The following KIF5B variants were observed in gnomAD, a reference collection of about 807,000 sequenced individuals.
KIF5B encodes kinesin-1 heavy chain.
In KIF5B, 49 loss-of-function variants were observed where a neutral mutation model predicts 132.8. The ratio of observed to expected loss-of-function variants is 0.37; its 90% CI spans 0.29 to 0.47. The LOEUF (loss-of-function observed/expected upper bound fraction) is 0.47, where lower values mean the gene tolerates loss of function less well. Ranked by LOEUF, KIF5B falls within the 20% of genes least tolerant of loss-of-function variation. The pLI, the probability that KIF5B is intolerant of heterozygous loss-of-function variation, is 1.00. For missense variants in KIF5B, 780 were observed against 1,144.0 expected (o/e 0.68, Z 4.59); for synonymous variants, 355 against 369.4 (o/e 0.96, Z 0.45).
rs778651300 is a variant in KIF5B at position 32,055,870 on chromosome 10, C to T, written c.104G>A (p.Gly35Glu). Residue 35 changes from glycine to glutamate, a missense_variant, in exon 1 of 26, where the codon GGA becomes GAA. Gly to Glu is a moderately conservative substitution (Grantham distance 98, BLOSUM62 -2). Transcript: ENST00000302418. Reference protein sequence around the residue: ...RGDKYIAKFQGEDTVVIASKP... With the variant: ...RGDKYIAKFQEEDTVVIASKP... ...CACCGCGATCACGACCGTGTCTTCTCCCTGAAACTTGGCGATGTACTTGTC... is the reference window on the plus strand; with the variant it reads ...CACCGCGATCACGACCGTGTCTTCTTCCTGAAACTTGGCGATGTACTTGTC... 52 of 1,612,898 alleles carry T rather than the reference C, an allele frequency of 3.2e-5. No individual in the cohort carries two copies. Among genetic ancestry groups the T allele is most frequent in the Non-Finnish European group, 4.1e-5 (48 of 1,179,880 alleles).
At chr10:32,035,431 GT>G in intron 10 of KIF5B, 90 bp downstream of exon 10, 1 of 1,108,052 alleles carries the variant, frequency 9.0e-7, no homozygotes, top group Non-Finnish European at 1.3e-6. Context: ...AAAACAGTAT[GT>G]ACAGGTTGGA....
chr10:32,018,223 C>T lies in KIF5B; in HGVS notation c.2440-67G>A, dbSNP rs553800136. The T allele has an allele frequency of 1.8e-5, 26 of 1,447,184 alleles. 1 individual carries two copies. In the South Asian group the frequency reaches 2.9e-4, roughly 16 times the overall value. The allele number at this position is 1,447,184 out of a possible 1,614,324, so 89.6% of individuals were successfully genotyped here. ...CTAAGCTTAACTATACAAAAATTGA[C>T]GTGACTGTAAAGTTATTTCACTTTG... On this transcript the variant is annotated intron_variant, in intron 22 of 25. Coordinates refer to ENST00000302418, the MANE Select transcript of KIF5B (RefSeq NM_004521.3).
chr10:32,036,917 C>T (rs1419321487), intron 8 of KIF5B, among the ~76,000 whole-genome samples: 1 of 151,890 alleles, frequency 6.6e-6, no homozygotes, highest in Non-Finnish European at 1.5e-5. Context: ...TAATAGGGAC[C>T]CCACTGCCAA....
At chr10:32,045,523 A>G (rs997676092) in intron 2 of KIF5B, among the ~76,000 whole-genome samples, 2 of 152,218 alleles carry the variant, frequency 1.3e-5, no homozygotes, top group African/African-American at 4.8e-5. Flanking sequence ...CCAAGTTTCT[A>G]GTTACTAAGG....
At position 32,019,933 on chromosome 10, in the gene KIF5B, T is replaced by C; in HGVS notation, c.2231A>G (p.Gln744Arg). 6.2e-7 allele frequency: 1 copy of C among 1,610,434 alleles called. No individual in the cohort carries two copies. Among genetic ancestry groups the C allele is most frequent in the Non-Finnish European group, 8.5e-7 (1 of 1,178,898 alleles). The stretch of plus-strand genomic sequence containing the variant: ...CTCATGTTCTACTCTTAGACGTTCC[T>C]GCTCTAACATCATTTTCTGGTTTTG... ...QDQNQKMMLE[Q>R]ERLRVEHEKL... Residue 744 changes from glutamine (Q) to arginine (R), a missense_variant, in exon 20 of 26, where the codon CAG becomes CGG. Physicochemically the swap from Gln to Arg is conservative, Grantham distance 43. Coordinates refer to ENST00000302418, the MANE Select transcript of KIF5B (RefSeq NM_004521.3).
At chr10:32,033,757 A>AG (rs1416318970) in intron 12 of KIF5B, 88 bp downstream of exon 12, 18 of 798,992 alleles carry the variant, frequency 2.3e-5, no homozygotes, top group Non-Finnish European at 3.0e-5. Context: ...AAGTGCCCAC[A>AG]GCACTGAAAT....
intron 14 of KIF5B, among the ~76,000 whole-genome samples, chr10:32,030,391 C>T (rs1478665535): frequency 6.6e-6 from 1 of 151,966 alleles, no homozygotes; most frequent in Non-Finnish European, 1.5e-5. Flanking sequence ...TGGCGGGCGC[C>T]TGTAATCCCA....
intron 15 of KIF5B, among the ~76,000 whole-genome samples, chr10:32,026,457 A>AAAAAAAAAAAAAAAAAC (rs1841335193): frequency 6.7e-6 from 1 of 150,266 alleles, no homozygotes; most frequent in South Asian, 2.1e-4. Context: ...AAAAAAAAAA[A>AAAAAAAAAAAAAAAAAC]AAAAGTAACG....
chr10:32,040,289 A>G (rs1364072633), intron 3 of KIF5B, 95 bp downstream of exon 3: 1 of 780,590 alleles, frequency 1.3e-6, no homozygotes. Context: ...AATAAAGAGT[A>G]AATTAAAATG....
intron 24 of KIF5B, among the ~76,000 whole-genome samples, chr10:32,016,158 A>G (rs1841157936): frequency 1.3e-5 from 2 of 151,634 alleles, no homozygotes; most frequent in Admixed American, 6.6e-5. Flanking sequence ...AAACAAGCAA[A>G]CAAACAAACA....
chr10:32,036,352 G>A (rs1841459386), intron 8 of KIF5B, among the ~76,000 whole-genome samples: 1 of 152,060 alleles, frequency 6.6e-6, no homozygotes, highest in Admixed American at 6.5e-5. Context: ...CAGAGACTGA[G>A]TTTTAAACAC....
chr10:32,025,759 T>C (rs1025429657), intron 15 of KIF5B, among the ~76,000 whole-genome samples: 3 of 152,198 alleles, frequency 2.0e-5, no homozygotes, highest in Admixed American at 2.0e-4. Flanking sequence ...AAACAAACCA[T>C]GGTACATTCA....
chr10:32,042,794 C>T (rs568061290), intron 2 of KIF5B, among the ~76,000 whole-genome samples: 5 of 152,256 alleles, frequency 3.3e-5, no homozygotes, highest in African/African-American at 1.2e-4. Context: ...CAGCACATCA[C>T]GTTGTAGAAA....
chr10:32,020,029 C>G (rs1431309655), intron 19 of KIF5B, 70 bp from the exon 20 acceptor site: 61 of 1,062,026 alleles, frequency 5.7e-5, no homozygotes, highest in Non-Finnish European at 4.8e-5. Flanking sequence ...ATTAAAATTT[C>G]CAAACTTTTA....
chr10:32,043,687 G>T (rs1440119439), intron 2 of KIF5B, among the ~76,000 whole-genome samples: 2 of 152,144 alleles, frequency 1.3e-5, no homozygotes, highest in African/African-American at 2.4e-5. Context: ...AATACAAGTG[G>T]ATAAACCTTA....
intron 19 of KIF5B, among the ~76,000 whole-genome samples, chr10:32,020,274 T>C (rs560839473): frequency 1.3e-5 from 2 of 152,258 alleles, no homozygotes; most frequent in Non-Finnish European, 2.9e-5. Flanking sequence ...ATTCTCTTCT[T>C]GGTTCCTACT....
At chr10:32,021,579 C>G (rs1377269680) in intron 17 of KIF5B, among the ~76,000 whole-genome samples, 1 of 128,524 alleles carries the variant, frequency 7.8e-6, no homozygotes, top group Non-Finnish European at 1.7e-5. Flanking sequence ...CTCCTAAGTC[C>G]CCTATGTTAA....
chr10:32,047,126 G>C (rs1841622239), intron 2 of KIF5B, among the ~76,000 whole-genome samples: 1 of 151,956 alleles, frequency 6.6e-6, no homozygotes, highest in Non-Finnish European at 1.5e-5. Flanking sequence ...AATGTGTATT[G>C]CTTTTGCACC....
intron 3 of KIF5B, 149 bp downstream of exon 3, chr10:32,040,235 T>C: frequency 3.1e-6 from 2 of 646,606 alleles, no homozygotes; most frequent in Non-Finnish European, 5.5e-6. Context: ...CTGATTAGAT[T>C]CCAACAATGA....
Sources: gnomAD v4.1 joint callset for allele counts (sites outside exome capture counted in the v4.1 genomes callset) on GRCh38, gnomAD v4.1.1 for gene constraint, MANE v1.5 for transcripts, NCBI Gene and HGNC (gene_info 2026-07-23, HGNC 2026-07-21) for gene names.